UGT1A5: variants seen among roughly 807,000 people sequenced by gnomAD.
The protein encoded by UGT1A5 is UDP-glucuronosyltransferase 1A5.
UGT1A5 carries 29 observed loss-of-function variants against 40.3 expected under a neutral mutation model. That is an observed-to-expected ratio of 0.72 (90% confidence interval 0.54 to 0.98). The LOEUF (loss-of-function observed/expected upper bound fraction) is 0.98, where lower values mean the gene tolerates loss of function less well. UGT1A5 is among the 50% of genes least tolerant of loss of function. The probability of loss-of-function intolerance (pLI) is 0.00; values close to 1 mark genes in which losing one functional copy is unlikely to be tolerated. For synonymous variants in UGT1A5, 257 were observed against 262.5 expected (o/e 0.98, Z 0.20); for missense variants, 678 against 677.9 (o/e 1.00, Z 0.00).
At chr2:233,734,118 T>A (rs2078484158) in intron 1 of UGT1A5, among the ~76,000 whole-genome samples, 1 of 152,034 alleles carries the variant, frequency 6.6e-6, no homozygotes, top group Non-Finnish European at 1.5e-5. Context: ...ATAATAATAA[T>A]AATAAAAAGA....
intron 1 of UGT1A5, chr2:233,747,826 T>C: frequency 3.7e-6 from 6 of 1,613,534 alleles, no homozygotes; most frequent in Non-Finnish European, 5.1e-6. Context: ...TCAGACCACA[T>C]GACATTCCTG....
chr2:233,760,133 A>G, intron 1 of UGT1A5: 6 of 1,369,658 alleles, frequency 4.4e-6, no homozygotes, highest in East Asian at 2.5e-5. Context: ...CACCTTCTTT[A>G]TCTCTGAAAG....
chr2:233,736,380 T>C (rs544849081), intron 1 of UGT1A5, among the ~76,000 whole-genome samples: 2 of 152,342 alleles, frequency 1.3e-5, no homozygotes, highest in South Asian at 4.1e-4. Flanking sequence ...TAAGGTCTTC[T>C]CTACAGTGTT....
At chr2:233,765,091 C>T (rs1473276364) in intron 1 of UGT1A5, among the ~76,000 whole-genome samples, 1 of 152,110 alleles carries the variant, frequency 6.6e-6, no homozygotes, top group Non-Finnish European at 1.5e-5. Context: ...TCTAGGGTGA[C>T]CAGCATCCTG....
At chr2:233,748,216 G>A in intron 1 of UGT1A5, 1 of 1,478,190 alleles carries the variant, frequency 6.8e-7, no homozygotes, top group South Asian at 1.3e-5. Flanking sequence ...CCTTCAGTGA[G>A]ATAAACTGTT....
chr2:233,729,151 C>G (rs780105483), intron 1 of UGT1A5: 3 of 1,613,562 alleles, frequency 1.9e-6, no homozygotes, highest in South Asian at 2.2e-5. Context: ...CCAGGTTCCC[C>G]TGCCGTGGCT....
intron 1 of UGT1A5, among the ~76,000 whole-genome samples, chr2:233,716,096 A>G (rs1349489999): frequency 6.6e-6 from 1 of 152,160 alleles, no homozygotes; most frequent in African/African-American, 2.4e-5. Context: ...CATTCCTTTA[A>G]CAGAAATTTA....
rs45621441 is a variant in UGT1A5, at chr2:233,719,022, C to T, written c.867+5164C>T. On this transcript the variant is annotated intron_variant, in intron 1 of 4. Transcript: ENST00000373414. ...GGTCCTCACCCCAGAGGTGAATATG[C>T]ACATCAAAGAAGAGAAATTTTTCAC... 2,685 of 1,614,218 alleles carry T rather than the reference C, an allele frequency of 1.7e-3. 14 individuals are homozygous for T. The highest frequency in any genetic ancestry group is 3.6e-3 in the Middle Eastern group (22 of 6,062).
chr2:233,766,357 C>T (rs1461708777), intron 1 of UGT1A5, among the ~76,000 whole-genome samples: 1 of 152,122 alleles, frequency 6.6e-6, no homozygotes, highest in Non-Finnish European at 1.5e-5. Flanking sequence ...CCTGCCGGTG[C>T]CTGTTGGTGA....
intron 1 of UGT1A5, among the ~76,000 whole-genome samples, chr2:233,757,216 G>A (rs1430883014): frequency 6.9e-6 from 1 of 145,650 alleles, no homozygotes; most frequent in Non-Finnish European, 1.5e-5. Context: ...GGAAGCTGCT[G>A]ACCAAGGTTC....
chr2:233,747,369 G>C lies in UGT1A5; in HGVS notation c.868-19665G>C, dbSNP rs1248922678. On this transcript the variant is annotated intron_variant, in intron 1 of 4. Coordinates refer to ENST00000373414, the MANE Select transcript of UGT1A5 (RefSeq NM_019078.2). ...GCGGGAGGCCGTGCGGGAGCTCCAT[G>C]CCAGAGGCCACCAGGCGGTGGTCCT... 94 of 1,604,318 alleles carry C rather than the reference G, an allele frequency of 5.9e-5. 1 individual carries two copies. Among genetic ancestry groups the C allele is most frequent in the South Asian group, 2.1e-4 (19 of 90,452 alleles).
intron 1 of UGT1A5, among the ~76,000 whole-genome samples, chr2:233,745,292 C>G (rs13426130): frequency 6.6e-6 from 1 of 151,882 alleles, no homozygotes. Context: ...TGGGGATAAA[C>G]GTGGGATGCA....
At chr2:233,735,436 C>T (rs1234543811) in intron 1 of UGT1A5, among the ~76,000 whole-genome samples, 1 of 152,154 alleles carries the variant, frequency 6.6e-6, no homozygotes, top group Non-Finnish European at 1.5e-5. Flanking sequence ...CTGAATACAG[C>T]ATACCGATGG....
chr2:233,769,487 TTA>T lies in UGT1A5; in HGVS notation c.1307+1050_1307+1051del. On this transcript the variant is annotated intron_variant, in intron 4 of 4. Coordinates refer to ENST00000373414, the MANE Select transcript of UGT1A5 (RefSeq NM_019078.2). This position sits in a 1 kb window ranked among gnomAD's most constrained non-coding sequence, Gnocchi z 4.4. ...TGCGTGTGTGTGTGTGTGCGTGTGT[TTA>T]TGAGAGTGTCCATTGCTTTCTCCCA... The T allele has an allele frequency of 1.2e-6, 2 of 1,612,452 alleles. No individual in the cohort carries two copies. The highest frequency in any genetic ancestry group is 1.7e-6 in the Non-Finnish European group (2 of 1,179,688).
At chr2:233,768,117 T>G in intron 3 of UGT1A5, 103 bp from the exon 4 acceptor site, 1 of 1,600,038 alleles carries the variant, frequency 6.2e-7, no homozygotes, top group Non-Finnish European at 8.5e-7. Context: ...TGCAAGGGCA[T>G]GTGAGTAACA....
chr2:233,713,544 A>C lies in UGT1A5; in HGVS notation c.553A>C (p.Thr185Pro). 1.2e-6 allele frequency: 2 copies of C among 1,613,986 alleles called. No individual in the cohort carries two copies. Among genetic ancestry groups the C allele is most frequent in the Non-Finnish European group, 1.7e-6 (2 of 1,179,868 alleles). ...TCCATGTGATTTAGACTTTAAGGGC[A>C]CACAGTGTCCAAACCCTTCCTCCTA... is the stretch of plus-strand genomic sequence containing the variant. ...NIPCDLDFKGTQCPNPSSYIP... is the reference protein window; with the variant it reads ...NIPCDLDFKGPQCPNPSSYIP... The change falls in exon 1 of 5, where the codon ACA (threonine) becomes CCA (proline). Residue 185 changes from threonine to proline, a missense_variant. By Grantham distance (38) the Thr-to-Pro change is conservative. Coordinates refer to ENST00000373414, the MANE Select transcript of UGT1A5 (RefSeq NM_019078.2).
chr2:233,762,018 T>C (rs141035986), intron 1 of UGT1A5, among the ~76,000 whole-genome samples: 3 of 152,328 alleles, frequency 2.0e-5, no homozygotes, highest in African/African-American at 7.2e-5. Flanking sequence ...ATGTGATTTG[T>C]ATTTTATTTT....
intron 1 of UGT1A5, chr2:233,756,419 A>G (rs760544825): frequency 6.6e-6 from 1 of 151,366 alleles, no homozygotes; most frequent in Non-Finnish European, 1.5e-5. Context: ...TATTATTTGT[A>G]CTGTTTTTTT....
At position 233,769,766 on chromosome 2, in the gene UGT1A5, G is replaced by A; in HGVS notation, c.1307+1327G>A. On this transcript the variant is annotated intron_variant, in intron 4 of 4. Transcript: ENST00000373414. The surrounding 1 kb of genome is among the most constrained non-coding windows in gnomAD (Gnocchi z 4.4). The stretch of plus-strand genomic sequence containing the variant: ...GCCACTCTGGAGGCTAAGGCGGGAG[G>A]ATTGCTTGAGCCCAGAAGTTGGAGG... The A allele has an allele frequency of 1.4e-6, 2 of 1,395,536 alleles. No homozygotes were observed. Among genetic ancestry groups the A allele is most frequent in the South Asian group, 1.6e-5 (1 of 62,382 alleles). The allele number at this position is 1,395,536 out of a possible 1,614,324, so 86.4% of individuals were successfully genotyped here.
Sources: gnomAD v4.1 joint callset for allele counts (sites outside exome capture counted in the v4.1 genomes callset) on GRCh38, gnomAD v4.1.1 for gene constraint, Gnocchi (gnomAD v3.1) non-coding constraint, MANE v1.5 for transcripts, NCBI Gene and HGNC (gene_info 2026-07-23, HGNC 2026-07-21) for gene names.